The following ZNF248 variants were observed in gnomAD, a reference collection of about 807,000 sequenced individuals.
ZNF248 encodes the protein KRAB protein domain.
ZNF248 carries 20 observed loss-of-function variants against 44.3 expected under a neutral mutation model. That is an observed-to-expected ratio of 0.45 (90% CI 0.32 to 0.66). The LOEUF is 0.66. Among genes scored for constraint, ZNF248 ranks in the 30% least tolerant of loss-of-function variants. The probability of loss-of-function intolerance (pLI) is 0.04; values close to 1 mark genes in which losing one functional copy is unlikely to be tolerated. For synonymous variants in ZNF248, 224 were observed against 229.0 expected, an observed-to-expected ratio of 0.98 and a Z score of 0.20; for missense variants, 654 against 677.0, an observed-to-expected ratio of 0.97 and a Z score of 0.38.
At position 37,801,484 on chromosome 10, in the gene ZNF248, G is replaced by C. The variant is rs201024522; in HGVS notation, c.331-24909C>G. The stretch of plus-strand genomic sequence containing the variant: ...ATAAAAATATTCTCATAAAGCCAAA[G>C]GCACTGTATAAATAAAATGCAAGAG... On this transcript the variant is annotated intron_variant, in intron 6 of 6. Transcript: ENST00000615949. Among the ~76,000 whole-genome samples, 8 of 151,900 alleles carry C rather than the reference G, an allele frequency of 5.3e-5. No homozygotes were observed. The East Asian group carries it at 1.5e-3, about 29-fold the overall frequency.
intron 6 of ZNF248, among the ~76,000 whole-genome samples, chr10:37,816,591 G>A (rs113199125): frequency 2.6e-5 from 4 of 152,298 alleles, no homozygotes; most frequent in African/African-American, 9.6e-5. Context: ...TGGTAAACAC[G>A]TGGCCTATGT....
At chr10:37,841,448 CAAA>C (rs367552739) in intron 3 of ZNF248, among the ~76,000 whole-genome samples, 1 of 102,770 alleles carries the variant, frequency 9.7e-6, no homozygotes. Flanking sequence ...AATTGTCTAC[CAAA>C]AAAAAAAAAA....
chr10:37,848,724 T>C (rs1247928823), intron 3 of ZNF248, among the ~76,000 whole-genome samples: 1 of 152,158 alleles, frequency 6.6e-6, no homozygotes, highest in Non-Finnish European at 1.5e-5. Flanking sequence ...AGCCACCAGC[T>C]TGGAGATGTT....
chr10:37,828,571 C>T (rs970335589), downstream of ZNF248, among the ~76,000 whole-genome samples: 30 of 152,152 alleles, frequency 2.0e-4, no homozygotes, highest in African/African-American at 7.2e-4. Context: ...ATGTGGAGGA[C>T]ATGAAGACAC....
chr10:37,819,058 A>G, intron 6 of ZNF248: 1 of 800,324 alleles, frequency 1.2e-6, no homozygotes. Flanking sequence ...AGCTATCATC[A>G]TCCATGATCT....
intron 3 of ZNF248, among the ~76,000 whole-genome samples, chr10:37,853,210 C>G (rs1001627957): frequency 1.3e-5 from 2 of 152,038 alleles, no homozygotes; most frequent in African/African-American, 2.4e-5. Context: ...CAAAATACTA[C>G]AGGATAAATA....
intron 3 of ZNF248, among the ~76,000 whole-genome samples, chr10:37,847,741 T>A (rs1454879283): frequency 7.4e-6 from 1 of 134,534 alleles, no homozygotes; most frequent in Non-Finnish European, 1.8e-5. Flanking sequence ...CAAAAAAAAA[T>A]TATCTTGAAT....
chr10:37,809,976 C>T (rs1047002451), intron 6 of ZNF248, among the ~76,000 whole-genome samples: 4 of 152,118 alleles, frequency 2.6e-5, no homozygotes, highest in African/African-American at 9.7e-5. Flanking sequence ...TGGAGAATAA[C>T]TAACGTGCAT....
chr10:37,794,602 C>T (rs773561545), intron 6 of ZNF248: 1 of 159,586 alleles, frequency 6.3e-6, no homozygotes, highest in African/African-American at 2.4e-5. Context: ...AGTGTGTATT[C>T]TTTGTTGTCC....
Position 37,831,968 on chromosome 10 carries a change from G to C in ZNF248, c.1387C>G (p.Pro463Ala). 1 of 1,614,002 alleles carries C rather than the reference G, an allele frequency of 6.2e-7. No homozygotes were observed. The highest frequency in any genetic ancestry group is 8.5e-7 in the Non-Finnish European group (1 of 1,179,898). ...EHQRTHTGEK[P>A]YECNACGKSF... ...TTCCCACATGCATTACATTCATAGG[G>C]CTTCTCCCCTGTGTGTGTTCTCTGA... is the stretch of plus-strand genomic sequence containing the variant. Residue 463 changes from proline to alanine, a missense_variant, in exon 6 of 6, where the codon CCC (proline) becomes GCC (alanine). Coordinates refer to ENST00000395867, the MANE Select transcript of ZNF248 (RefSeq NM_021045.3).
chr10:37,847,209 TTTTA>T (rs1554853540), intron 3 of ZNF248, among the ~76,000 whole-genome samples: 2 of 152,038 alleles, frequency 1.3e-5, no homozygotes, highest in African/African-American at 4.8e-5. Flanking sequence ...TTATTTTTAT[TTTTA>T]TTTATTTATT....
intron 6 of ZNF248, among the ~76,000 whole-genome samples, chr10:37,799,713 G>A (rs980559837): frequency 2.0e-5 from 3 of 152,040 alleles, no homozygotes; most frequent in Admixed American, 2.0e-4. Context: ...AGGATGAATG[G>A]AAGAAAAAAT....
rs2061314573 is a variant in ZNF248 at position 37,856,481 on chromosome 10, T to C, written c.-74A>G. 3 of 1,284,582 alleles carry C rather than the reference T, an allele frequency of 2.3e-6. No individual in the cohort carries two copies. Among genetic ancestry groups the C allele is most frequent in the Admixed American group, 3.5e-5 (1 of 28,328 alleles). 79.6% of individuals were successfully genotyped at this position (1,284,582 alleles called of 1,614,324 possible). A position where few individuals can be genotyped will look rare whatever the true frequency, so the allele number is the denominator to read the frequency against. ...ATATGCTGAGCTCAGACATGACACTTTTCACTGAGTGAATGTAAATATTTC... is the reference window on the plus strand; with the variant it reads ...ATATGCTGAGCTCAGACATGACACTCTTCACTGAGTGAATGTAAATATTTC... On this transcript the variant is annotated 5_prime_UTR_variant, in exon 2 of 6. Coordinates refer to ENST00000395867, the MANE Select transcript of ZNF248 (RefSeq NM_021045.3).
chr10:37,832,308 T>A lies in ZNF248; in HGVS notation c.1047A>T (p.Gly349=), dbSNP rs1469116391. 5.0e-6 allele frequency: 8 copies of A among 1,613,852 alleles called. No individual in the cohort carries two copies. The highest frequency in any genetic ancestry group is 6.8e-6 in the Non-Finnish European group (8 of 1,179,938). The part of the protein sequence containing the change: ...LLKHQIVHMG[G]KSYDYNENGS... ...CATTTTCATTGTAATCATAAGACTT[T>A]CCCCCCATGTGTACTATTTGATGTT... The change falls in exon 6 of 6, where the codon GGA becomes GGT. Residue 349 remains glycine, a synonymous_variant. Transcript: ENST00000395867.
intron 6 of ZNF248, chr10:37,820,591 A>C: frequency 6.3e-7 from 1 of 1,594,556 alleles, no homozygotes; most frequent in Non-Finnish European, 8.6e-7. Flanking sequence ...CAAAGTAATC[A>C]CTAATTTTAC....
intron 1 of ZNF248, 176 bp from the exon 2 acceptor site, chr10:37,856,708 C>G (rs1007712349): frequency 8.1e-6 from 8 of 992,758 alleles, no homozygotes; most frequent in South Asian, 4.7e-5. Context: ...TTAGATAATG[C>G]AAAAGACCTC....
intron 6 of ZNF248, among the ~76,000 whole-genome samples, chr10:37,822,075 C>A (rs1219214664): frequency 6.6e-6 from 1 of 152,196 alleles, no homozygotes; most frequent in East Asian, 1.9e-4. Flanking sequence ...AGGCCCAACT[C>A]ATCACATTGC....
the ZNF248 span, among the ~76,000 whole-genome samples, chr10:37,769,889 A>C: frequency 3.9e-5 from 6 of 152,338 alleles, no homozygotes; most frequent in Admixed American, 3.9e-4. Context: ...GTCTCAGCCC[A>C]AAATCTCCTT....
At chr10:37,813,412 C>G (rs149180046) in intron 6 of ZNF248, among the ~76,000 whole-genome samples, 87 of 152,214 alleles carry the variant, frequency 5.7e-4, no homozygotes, top group African/African-American at 1.9e-3. Context: ...AGTTATACCA[C>G]GTGTGTTTGC....
Sources: allele counts gnomAD v4.1 joint callset (sites outside exome capture counted in the v4.1 genomes callset), GRCh38; gene constraint gnomAD v4.1.1; transcripts MANE v1.5; gene names NCBI Gene and HGNC (gene_info 2026-07-23, HGNC 2026-07-21).